TMEFF2: variants seen among roughly 807,000 people sequenced by gnomAD.
The protein encoded by TMEFF2 is tomoregulin-2.
In TMEFF2, 28 loss-of-function variants were observed where a neutral mutation model predicts 53.8. The ratio of observed to expected loss-of-function variants is 0.52; its 90% CI spans 0.39 to 0.71. The LOEUF (loss-of-function observed/expected upper bound fraction) is 0.71. Ranked by LOEUF, TMEFF2 falls within the 30% of genes least tolerant of loss-of-function variation. TMEFF2 has a pLI of 0.00. For synonymous variants in TMEFF2, 162 were observed against 166.3 expected (o/e 0.97, Z 0.20); for missense variants, 353 against 455.2 (o/e 0.78, Z 2.04).
At chr2:192,039,562 T>C (rs1218807148) in intron 5 of TMEFF2, among the ~76,000 whole-genome samples, 1 of 152,222 alleles carries the variant, frequency 6.6e-6, no homozygotes, top group Non-Finnish European at 1.5e-5. Flanking sequence ...ATAAAATATT[T>C]ACAGAAAAAT....
At chr2:192,136,863 T>A (rs1690020141) in intron 4 of TMEFF2, among the ~76,000 whole-genome samples, 1 of 152,256 alleles carries the variant, frequency 6.6e-6, no homozygotes, top group African/African-American at 2.4e-5. Flanking sequence ...TCCAGGGGCC[T>A]TTCATCTAAA....
At chr2:192,056,710 A>C (rs887411512) in intron 5 of TMEFF2, among the ~76,000 whole-genome samples, 1 of 152,106 alleles carries the variant, frequency 6.6e-6, no homozygotes, top group Non-Finnish European at 1.5e-5. Context: ...ATATGGTGAA[A>C]TCCTAACCCC....
At chr2:192,134,023 T>G (rs1170176897) in intron 4 of TMEFF2, among the ~76,000 whole-genome samples, 5 of 152,178 alleles carry the variant, frequency 3.3e-5, no homozygotes, top group Admixed American at 6.5e-5. Context: ...CCAAACAACT[T>G]GACCTTACTG....
rs370783666 is a variant in TMEFF2, at chr2:192,121,014, G to A, written c.439+58654C>T. Among the ~76,000 whole-genome samples, 38 of 152,154 alleles carry A rather than the reference G, an allele frequency of 2.5e-4. No individual in the cohort carries two copies. In the East Asian group the frequency reaches 6.4e-3, roughly 26 times the overall value. Reference sequence around the variant, plus strand: ...CTCCCAAAGTGCTGGGATTACAGACGTGAGCCACCACACCCAGCCTGAACA... The same window carrying A: ...CTCCCAAAGTGCTGGGATTACAGACATGAGCCACCACACCCAGCCTGAACA... On this transcript the variant is annotated intron_variant, in intron 4 of 9. Coordinates refer to ENST00000272771, the MANE Select transcript of TMEFF2 (RefSeq NM_016192.4).
chr2:192,194,437 G>A lies in TMEFF2; in HGVS notation c.88C>T (p.Leu30Phe), dbSNP rs1691554426. The A allele has an allele frequency of 1.2e-6, 2 of 1,614,180 alleles. No homozygotes were observed. The highest frequency in any genetic ancestry group is 1.7e-6 in the Non-Finnish European group (2 of 1,180,038). The change falls in exon 1 of 10, where the codon CTC (leucine) becomes TTC (phenylalanine). Residue 30 changes from leucine to phenylalanine, a missense_variant. Physicochemically the swap from Leu to Phe is conservative, Grantham distance 22. This residue lies in a region of TMEFF2 where 54 missense variants were observed against 41.8 expected (regional missense o/e 1.29). Coordinates refer to ENST00000272771, the MANE Select transcript of TMEFF2 (RefSeq NM_016192.4). The surrounding 1 kb of genome is among the most constrained non-coding windows in gnomAD (Gnocchi z 4.2). ...AGCTTCACCGGGCGGGCTACGATGA[G>A]TAGCATGACGGGCAGCAGCAGCAGC... ...CWLLLLPVML[L>F]IVARPVKLAA... is the part of the protein sequence containing the mutation.
chr2:192,012,811 G>A (rs1686662066), intron 5 of TMEFF2, among the ~76,000 whole-genome samples: 1 of 151,718 alleles, frequency 6.6e-6, no homozygotes, highest in Non-Finnish European at 1.5e-5. Flanking sequence ...TATAATGTTA[G>A]GAAAAATTAC....
At chr2:192,181,086 T>C (rs746483529) in intron 3 of TMEFF2, among the ~76,000 whole-genome samples, 33 of 151,798 alleles carry the variant, frequency 2.2e-4, no homozygotes, top group Non-Finnish European at 4.1e-4. Context: ...AAGAATTGAC[T>C]GTTTAATGAT....
At chr2:192,057,256 C>T (rs1252872220) in intron 5 of TMEFF2, among the ~76,000 whole-genome samples, 4 of 151,992 alleles carry the variant, frequency 2.6e-5, no homozygotes, top group Admixed American at 2.0e-4. Flanking sequence ...ACTTTGTGCC[C>T]AGGCTGATCT....
At chr2:192,005,932 G>A (rs553533783) in intron 5 of TMEFF2, among the ~76,000 whole-genome samples, 2 of 152,186 alleles carry the variant, frequency 1.3e-5, no homozygotes, top group South Asian at 4.2e-4. Context: ...TGTGAGTTGT[G>A]AGAGAAAATG....
Position 192,090,098 on chromosome 2 carries a change from G to A in TMEFF2, c.440-32323C>T, listed in dbSNP as rs114425930. Among the ~76,000 whole-genome samples, 382 of 152,178 alleles carry A rather than the reference G, an allele frequency of 2.5e-3. 3 individuals are homozygous for A. Among genetic ancestry groups the A allele is most frequent in the African/African-American group, 8.7e-3 (362 of 41,516 alleles). ...TTTCTATAGCATACAAATTAGAAAT[G>A]GTATATATTATTTTGCATTCTTTCC... On this transcript the variant is annotated intron_variant, in intron 4 of 9. Transcript: ENST00000272771.
At chr2:192,185,920 T>A (rs1474653682) in intron 2 of TMEFF2, among the ~76,000 whole-genome samples, 1 of 152,124 alleles carries the variant, frequency 6.6e-6, no homozygotes, top group Non-Finnish European at 1.5e-5. Context: ...TGTGATCAAC[T>A]TTTTTCCAAA....
intron 4 of TMEFF2, among the ~76,000 whole-genome samples, chr2:192,101,515 T>C (rs932178140): frequency 1.3e-5 from 2 of 152,244 alleles, no homozygotes; most frequent in African/African-American, 4.8e-5. Flanking sequence ...ATACTCACTT[T>C]CATGCCTAAT....
intron 4 of TMEFF2, among the ~76,000 whole-genome samples, chr2:192,131,893 A>G (rs1689842093): frequency 6.6e-6 from 1 of 152,126 alleles, no homozygotes; most frequent in African/African-American, 2.4e-5. Flanking sequence ...TACAAGATCT[A>G]AATAATTCTT....
At chr2:192,096,438 T>C (rs1688905125) in intron 4 of TMEFF2, among the ~76,000 whole-genome samples, 1 of 152,164 alleles carries the variant, frequency 6.6e-6, no homozygotes, top group African/African-American at 2.4e-5. Context: ...ATATAAGAGA[T>C]ATTCCTTGCA....
At chr2:192,013,355 A>G (rs1027549380) in intron 5 of TMEFF2, among the ~76,000 whole-genome samples, 1 of 152,052 alleles carries the variant, frequency 6.6e-6, no homozygotes, top group East Asian at 1.9e-4. Context: ...CTAATCTCAG[A>G]TACTTGCATG....
intron 5 of TMEFF2, among the ~76,000 whole-genome samples, chr2:192,046,695 C>G (rs1028174731): frequency 3.3e-5 from 5 of 152,142 alleles, no homozygotes; most frequent in Admixed American, 2.6e-4. Flanking sequence ...TTCTTCCCCC[C>G]AAGTCTGACC....
At chr2:191,953,233 G>T (rs1439030065) in intron 9 of TMEFF2, among the ~76,000 whole-genome samples, 2 of 152,194 alleles carry the variant, frequency 1.3e-5, no homozygotes, top group African/African-American at 4.8e-5. Context: ...GATATAAAAG[G>T]TTGTTGTGAT....
chr2:192,016,171 C>T (rs1415877706), intron 5 of TMEFF2, among the ~76,000 whole-genome samples: 1 of 152,102 alleles, frequency 6.6e-6, no homozygotes, highest in Non-Finnish European at 1.5e-5. Context: ...CCAAAGCTGA[C>T]AGCATCCCCT....
At chr2:192,003,130 A>G (rs1468966109) in intron 5 of TMEFF2, among the ~76,000 whole-genome samples, 1 of 152,198 alleles carries the variant, frequency 6.6e-6, no homozygotes, top group Non-Finnish European at 1.5e-5. Context: ...GAAACTTTCA[A>G]TAACTACATG....
Sources: allele counts gnomAD v4.1 joint callset (sites outside exome capture counted in the v4.1 genomes callset), GRCh38; gene constraint gnomAD v4.1.1; regional missense constraint gnomAD v4.1.1; non-coding constraint Gnocchi (gnomAD v3.1); transcripts MANE v1.5; gene names NCBI Gene and HGNC (gene_info 2026-07-23, HGNC 2026-07-21).